The following FAM151B variants were observed in gnomAD, a reference collection of about 807,000 sequenced individuals.
The protein encoded by FAM151B is protein FAM151B.
In FAM151B, 24 loss-of-function variants were observed where a neutral mutation model predicts 31.2. The ratio of observed to expected loss-of-function variants is 0.77; its 90% CI spans 0.56 to 1.08. The LOEUF (loss-of-function observed/expected upper bound fraction) is 1.08, where lower values mean the gene tolerates loss of function less well. FAM151B is among the 50% of genes least tolerant of loss of function. The probability of loss-of-function intolerance (pLI) is 0.00; values close to 1 mark genes in which losing one functional copy is unlikely to be tolerated. For missense variants in FAM151B, 293 were observed against 328.6 expected, an observed-to-expected ratio of 0.89 and a Z score of 0.84; for synonymous variants, 105 against 111.4, an observed-to-expected ratio of 0.94 and a Z score of 0.36.
intron 5 of FAM151B, among the ~76,000 whole-genome samples, chr5:80,526,097 C>T (rs907099715): frequency 1.3e-5 from 2 of 151,946 alleles, no homozygotes; most frequent in Non-Finnish European, 2.9e-5. Context: ...TTCTGAAGTT[C>T]CCAAGCTGTT....
intron 5 of FAM151B, among the ~76,000 whole-genome samples, chr5:80,529,737 G>C (rs936556410): frequency 2.0e-5 from 3 of 152,038 alleles, no homozygotes; most frequent in African/African-American, 7.2e-5. Flanking sequence ...GAAATTGAGG[G>C]AATAATTAAT....
intron 1 of FAM151B, chr5:80,500,518 G>A (rs533313215): frequency 5.4e-5 from 41 of 759,898 alleles, no homozygotes; most frequent in African/African-American, 4.7e-4. Context: ...AATATAGGCA[G>A]ATATACAGAA....
chr5:80,535,659 C>T (rs1195351774), intron 5 of FAM151B, among the ~76,000 whole-genome samples: 1 of 152,148 alleles, frequency 6.6e-6, no homozygotes, highest in Non-Finnish European at 1.5e-5. Flanking sequence ...TTGGGGAAAC[C>T]CTTGAAGACA....
intron 1 of FAM151B, among the ~76,000 whole-genome samples, chr5:80,497,410 G>A (rs1338011802): frequency 4.1e-5 from 6 of 147,298 alleles, no homozygotes; most frequent in Middle Eastern, 3.5e-3. Context: ...GCAAGACTCC[G>A]GCTCAAAAAA....
At chr5:80,522,209 G>C in intron 5 of FAM151B, 71 bp downstream of exon 5, 1 of 1,477,800 alleles carries the variant, frequency 6.8e-7, no homozygotes. Context: ...CATGAAAATT[G>C]ATTATTTAAA....
chr5:80,538,420 CTTTCTT>C (rs1256117190), intron 5 of FAM151B, among the ~76,000 whole-genome samples: 74 of 55,248 alleles, frequency 1.3e-3, no homozygotes, highest in African/African-American at 7.1e-3. Context: ...TTCTTTCTTT[CTTTCTT>C]TCTTTCTTTC....
chr5:80,491,537 C>T (rs1231205933), intron 1 of FAM151B, among the ~76,000 whole-genome samples: 1 of 152,188 alleles, frequency 6.6e-6, no homozygotes. Flanking sequence ...TAACTATAGT[C>T]ACCATTGCTG....
chr5:80,530,274 A>G (rs1346523247), intron 5 of FAM151B, among the ~76,000 whole-genome samples: 1 of 152,140 alleles, frequency 6.6e-6, no homozygotes, highest in Non-Finnish European at 1.5e-5. Flanking sequence ...CCCACAGCCA[A>G]TATCATACTG....
At chr5:80,520,921 A>T (rs1374121899) in intron 4 of FAM151B, among the ~76,000 whole-genome samples, 1 of 148,038 alleles carries the variant, frequency 6.8e-6, no homozygotes, top group African/African-American at 2.5e-5. Context: ...GGTTCAAGTG[A>T]TTCTCGTGCA....
intron 1 of FAM151B, among the ~76,000 whole-genome samples, chr5:80,497,179 A>G (rs1410853950): frequency 6.6e-6 from 1 of 152,018 alleles, no homozygotes; most frequent in Non-Finnish European, 1.5e-5. Context: ...TAATCTCAGC[A>G]CTTTGGGAGG....
intron 5 of FAM151B, among the ~76,000 whole-genome samples, chr5:80,523,053 C>CTTA (rs1744792172): frequency 6.6e-6 from 1 of 152,090 alleles, no homozygotes; most frequent in Non-Finnish European, 1.5e-5. Flanking sequence ...GACACCTTTG[C>CTTA]TTATTCCTTG....
chr5:80,530,265 C>T (rs1223144427), intron 5 of FAM151B, among the ~76,000 whole-genome samples: 1 of 151,928 alleles, frequency 6.6e-6, no homozygotes, highest in Non-Finnish European at 1.5e-5. Flanking sequence ...TATGACAAAC[C>T]CACAGCCAAT....
intron 2 of FAM151B, among the ~76,000 whole-genome samples, chr5:80,510,368 G>A (rs1489221086): frequency 2.0e-5 from 3 of 152,210 alleles, no homozygotes; most frequent in East Asian, 1.9e-4. Context: ...CTCAGTCTTC[G>A]GTAATCTTGC....
chr5:80,524,499 A>G (rs759906159), intron 5 of FAM151B, among the ~76,000 whole-genome samples: 15 of 151,970 alleles, frequency 9.9e-5, no homozygotes, highest in South Asian at 4.2e-4. Context: ...CTCTCATTTT[A>G]CTGGTTTTGA....
intron 5 of FAM151B, among the ~76,000 whole-genome samples, chr5:80,539,516 G>A (rs546914775): frequency 6.6e-6 from 1 of 151,490 alleles, no homozygotes; most frequent in Non-Finnish European, 1.5e-5. Flanking sequence ...TTTTGAGATG[G>A]AGTCTTACTC....
chr5:80,538,414 TTC>T (rs1466672989), intron 5 of FAM151B, among the ~76,000 whole-genome samples: 8 of 50,958 alleles, frequency 1.6e-4, no homozygotes, highest in African/African-American at 8.8e-4. Context: ...CTTTCTTTCT[TTC>T]TTTCTTTCTT....
rs117055874 is a variant in FAM151B at position 80,493,454 on chromosome 5, T to C, written c.25+5306T>C. Among the ~76,000 whole-genome samples the C allele has an allele frequency of 5.6e-4, 85 of 152,302 alleles. 1 individual carries two copies. The East Asian group carries it at 0.015, about 27-fold the overall frequency. ...TTCAGGGAAATAGGGAAGATAACCA[T>C]AAGGTTTGACTGCCTGCGGGGTTGG... On this transcript the variant is annotated intron_variant, in intron 1 of 5. Coordinates refer to ENST00000282226, the MANE Select transcript of FAM151B (RefSeq NM_205548.3).
intron 5 of FAM151B, 29 bp from the exon 6 acceptor site, chr5:80,541,644 C>T: frequency 1.2e-6 from 2 of 1,603,450 alleles, no homozygotes; most frequent in Non-Finnish European, 1.7e-6. Context: ...CCACTTTTAA[C>T]TGTATAATTC....
intron 5 of FAM151B, among the ~76,000 whole-genome samples, chr5:80,538,426 TTCTTTCTTTCTTTCTTTCTTTC>T (rs1371452748): frequency 1.1e-4 from 6 of 56,514 alleles, no homozygotes; most frequent in Admixed American, 5.7e-4. Context: ...CTTTCTTTCT[TTCTTTCTTTCTTTCTTTCTTTC>T]TCTTTCTTTC....
Sources: allele counts gnomAD v4.1 joint callset (sites outside exome capture counted in the v4.1 genomes callset), GRCh38; gene constraint gnomAD v4.1.1; transcripts MANE v1.5; gene names NCBI Gene and HGNC (gene_info 2026-07-23, HGNC 2026-07-21).